Variants in VWC2 observed in about 807,000 individuals in gnomAD.
The protein encoded by VWC2 is brorin.
Under a neutral mutation model 29.8 loss-of-function variants are expected in VWC2, and 14 were observed. That is an observed-to-expected ratio of 0.47 (90% confidence interval 0.31 to 0.74). The LOEUF is 0.74. Ranked by LOEUF, VWC2 falls within the 30% of genes least tolerant of loss-of-function variation. The pLI is 0.05. For missense variants in VWC2, 457 were observed against 459.8 expected (o/e 0.99, Z 0.05); for synonymous variants, 213 against 199.0 (o/e 1.07, Z -0.59).
At chr7:49,792,077 A>C (rs988916328) in intron 2 of VWC2, among the ~76,000 whole-genome samples, 1 of 152,230 alleles carries the variant, frequency 6.6e-6, no homozygotes, top group Non-Finnish European at 1.5e-5. Context: ...TCTCTCTGCC[A>C]TGACTACTAG....
chr7:49,793,033 A>G (rs943743526), intron 2 of VWC2, among the ~76,000 whole-genome samples: 1 of 152,150 alleles, frequency 6.6e-6, no homozygotes, highest in East Asian at 1.9e-4. Context: ...GCCCTGACAG[A>G]ACTTTAAATT....
At chr7:49,880,132 A>G (rs1382509389) in intron 3 of VWC2, among the ~76,000 whole-genome samples, 1 of 152,176 alleles carries the variant, frequency 6.6e-6, no homozygotes, top group South Asian at 2.1e-4. Flanking sequence ...TTTCATTTAA[A>G]AACTTTTTCT....
chr7:49,827,584 T>G (rs1394168468), intron 3 of VWC2, among the ~76,000 whole-genome samples: 1 of 152,098 alleles, frequency 6.6e-6, no homozygotes, highest in East Asian at 1.9e-4. Flanking sequence ...TAATTGCATG[T>G]TATTAAATTC....
At chr7:49,817,856 AG>A (rs1789182221) in intron 3 of VWC2, among the ~76,000 whole-genome samples, 1 of 152,238 alleles carries the variant, frequency 6.6e-6, no homozygotes. Flanking sequence ...ATTATCATAT[AG>A]GGGGAAAAAC....
intron 3 of VWC2, among the ~76,000 whole-genome samples, chr7:49,832,621 A>G (rs1312568976): frequency 6.6e-6 from 1 of 152,144 alleles, no homozygotes; most frequent in Non-Finnish European, 1.5e-5. Context: ...AGGAAAACTG[A>G]CCTATTTCAA....
intron 3 of VWC2, among the ~76,000 whole-genome samples, chr7:49,894,235 C>T (rs941064686): frequency 6.6e-6 from 1 of 152,222 alleles, no homozygotes; most frequent in South Asian, 2.1e-4. Flanking sequence ...CAGCTCACCT[C>T]AGCCTCGACC....
intron 2 of VWC2, among the ~76,000 whole-genome samples, chr7:49,782,945 T>C (rs898901002): frequency 4.6e-5 from 7 of 152,174 alleles, no homozygotes; most frequent in African/African-American, 1.7e-4. Context: ...GAAAGCAATT[T>C]GAACCTGTAA....
intron 3 of VWC2, among the ~76,000 whole-genome samples, chr7:49,821,005 C>CAG (rs1789250156): frequency 6.6e-6 from 1 of 151,920 alleles, no homozygotes; most frequent in African/African-American, 2.4e-5. Flanking sequence ...AGCTGCCCAG[C>CAG]CCTCCCCGCC....
chr7:49,806,792 G>A (rs1314981525), intron 3 of VWC2, among the ~76,000 whole-genome samples: 1 of 151,896 alleles, frequency 6.6e-6, no homozygotes, highest in African/African-American at 2.4e-5. Context: ...ACAAAGAAAA[G>A]CCTGCTCCTA....
intron 3 of VWC2, among the ~76,000 whole-genome samples, chr7:49,808,667 A>AATAT (rs1788930277): frequency 6.6e-6 from 1 of 152,062 alleles, no homozygotes; most frequent in Non-Finnish European, 1.5e-5. Context: ...TAATCATATA[A>AATAT]AGTTTCTTTT....
intron 1 of VWC2, among the ~76,000 whole-genome samples, chr7:49,774,839 C>T (rs941436940): frequency 2.0e-5 from 3 of 152,204 alleles, no homozygotes; most frequent in African/African-American, 7.2e-5. Flanking sequence ...TTAACCTCCC[C>T]GCATTTTCCC....
At chr7:49,902,002 A>G (rs1792771740) in intron 3 of VWC2, among the ~76,000 whole-genome samples, 1 of 150,488 alleles carries the variant, frequency 6.6e-6, no homozygotes, top group East Asian at 1.9e-4. Flanking sequence ...AAATAAATCA[A>G]GAGACAGACT....
Position 49,842,471 on chromosome 7 carries a change from G to A in VWC2, c.826+39631G>A, listed in dbSNP as rs575585968. 2.0e-5 allele frequency among the ~76,000 whole-genome samples: 3 copies of A among 152,254 alleles called. No individual in the cohort carries two copies. The South Asian group carries it at 6.2e-4, about 32-fold the overall frequency. ...AACCTAAAACCTTAGAGATAATACA[G>A]GAGAGTAAATGAGATTAAGAAACTT... is the stretch of plus-strand genomic sequence containing the variant. On this transcript the variant is annotated intron_variant, in intron 3 of 3. Transcript: ENST00000340652.
chr7:49,854,125 T>G (rs1220114771), intron 3 of VWC2, among the ~76,000 whole-genome samples: 1 of 152,168 alleles, frequency 6.6e-6, no homozygotes, highest in African/African-American at 2.4e-5. Flanking sequence ...TGATGGACAT[T>G]TGGGTTGGTT....
At chr7:49,801,658 C>A (rs1788740839) in intron 2 of VWC2, among the ~76,000 whole-genome samples, 1 of 152,220 alleles carries the variant, frequency 6.6e-6, no homozygotes, top group African/African-American at 2.4e-5. Context: ...CATCGTGATG[C>A]TGGATAGTGG....
intron 3 of VWC2, among the ~76,000 whole-genome samples, chr7:49,888,985 G>C (rs1792018399): frequency 6.6e-6 from 1 of 152,156 alleles, no homozygotes; most frequent in Admixed American, 6.5e-5. Context: ...ATGGAGCTGG[G>C]GATGACCCAT....
intron 3 of VWC2, 107 bp from the exon 4 acceptor site, chr7:49,911,923 GCACA>G (rs10639154): frequency 2.5e-4 from 87 of 346,664 alleles, no homozygotes; most frequent in Middle Eastern, 8.1e-4. Context: ...ACAAATACAC[GCACA>G]CACACACACA....
chr7:49,888,639 G>A (rs1306402950), intron 3 of VWC2, among the ~76,000 whole-genome samples: 2 of 152,124 alleles, frequency 1.3e-5, no homozygotes, highest in Non-Finnish European at 2.9e-5. Flanking sequence ...TGCCAGGCGC[G>A]GTGGCTCACC....
chr7:49,847,869 G>A (rs1040885048), intron 3 of VWC2, among the ~76,000 whole-genome samples: 1 of 152,128 alleles, frequency 6.6e-6, no homozygotes, highest in Non-Finnish European at 1.5e-5. Context: ...TGTGAGCTCT[G>A]ATTGGGTAAT....
Sources: gnomAD v4.1 joint callset for allele counts (sites outside exome capture counted in the v4.1 genomes callset) on GRCh38, gnomAD v4.1.1 for gene constraint, MANE v1.5 for transcripts, NCBI Gene and HGNC (gene_info 2026-07-23, HGNC 2026-07-21) for gene names.